Variants in NRCAM observed in about 807,000 individuals in gnomAD.
The protein encoded by NRCAM is neuronal cell adhesion molecule.
In NRCAM, 83 loss-of-function variants were observed where a neutral mutation model predicts 156.5. The observed-to-expected ratio is 0.53, with a 90% CI of 0.44 to 0.64. The LOEUF is 0.64. NRCAM is among the 30% of genes least tolerant of loss of function. The pLI is 0.00. For missense variants in NRCAM, 1,417 were observed against 1,597.3 expected (o/e 0.89, Z 1.92); for synonymous variants, 538 against 563.9 (o/e 0.95, Z 0.65).
At chr7:108,286,834 ATG>A (rs1173172325) in intron 3 of NRCAM, among the ~76,000 whole-genome samples, 1 of 152,178 alleles carries the variant, frequency 6.6e-6, no homozygotes, top group Non-Finnish European at 1.5e-5. Context: ...TATTTTTATT[ATG>A]TTTAGGCACA....
At chr7:108,337,053 C>T (rs971568706) in intron 2 of NRCAM, among the ~76,000 whole-genome samples, 1 of 152,058 alleles carries the variant, frequency 6.6e-6, no homozygotes, top group African/African-American at 2.4e-5. Context: ...TCGCTTGAGG[C>T]CAGGAATTCA....
At chr7:108,392,962 G>A (rs2099765454) in intron 2 of NRCAM, among the ~76,000 whole-genome samples, 1 of 152,172 alleles carries the variant, frequency 6.6e-6, no homozygotes, top group Non-Finnish European at 1.5e-5. Flanking sequence ...CGTGTGGGGT[G>A]TCAGTCTGCC....
chr7:108,245,528 A>G (rs2095848958), intron 3 of NRCAM, among the ~76,000 whole-genome samples: 1 of 152,170 alleles, frequency 6.6e-6, no homozygotes, highest in South Asian at 2.1e-4. Context: ...TTAAAAAGTT[A>G]ATTTTAAAAG....
At chr7:108,167,388 T>C (rs1299665830) in intron 29 of NRCAM, among the ~76,000 whole-genome samples, 2 of 152,320 alleles carry the variant, frequency 1.3e-5, no homozygotes, top group East Asian at 3.9e-4. Flanking sequence ...ACTGTTGAGT[T>C]TCTCTAAAGA....
At chr7:108,216,121 C>T (rs1476532802) in intron 11 of NRCAM, among the ~76,000 whole-genome samples, 3 of 152,144 alleles carry the variant, frequency 2.0e-5, no homozygotes, top group Non-Finnish European at 4.4e-5. Flanking sequence ...GACAAAACCC[C>T]TCAGGATTTG....
chr7:108,336,254 C>G (rs1433742656), intron 2 of NRCAM, among the ~76,000 whole-genome samples: 1 of 152,158 alleles, frequency 6.6e-6, no homozygotes, highest in African/African-American at 2.4e-5. Flanking sequence ...TCCCGGCTGT[C>G]TAATCCAATT....
intron 20 of NRCAM, among the ~76,000 whole-genome samples, chr7:108,189,222 G>C (rs560551184): frequency 6.6e-6 from 1 of 152,224 alleles, no homozygotes; most frequent in East Asian, 1.9e-4. Context: ...TACCAACAGG[G>C]GGTTGAAAAG....
At chr7:108,189,117 T>C (rs982506811) in intron 20 of NRCAM, among the ~76,000 whole-genome samples, 1 of 152,170 alleles carries the variant, frequency 6.6e-6, no homozygotes, top group Non-Finnish European at 1.5e-5. Context: ...GAAGCTCACA[T>C]TGTTGAATGG....
At chr7:108,434,799 G>A (rs1256742097) in intron 1 of NRCAM, among the ~76,000 whole-genome samples, 1 of 152,048 alleles carries the variant, frequency 6.6e-6, no homozygotes, top group East Asian at 1.9e-4. Context: ...TTTTTTTTAA[G>A]TAAAAAAAGA....
intron 2 of NRCAM, among the ~76,000 whole-genome samples, chr7:108,327,926 T>C (rs2099087219): frequency 6.6e-6 from 1 of 151,982 alleles, no homozygotes; most frequent in Non-Finnish European, 1.5e-5. Flanking sequence ...ATGCAGAAAA[T>C]AAGGGAGAAT....
At chr7:108,176,138 C>T (rs1007040592) in intron 27 of NRCAM, among the ~76,000 whole-genome samples, 9 of 151,916 alleles carry the variant, frequency 5.9e-5, no homozygotes, top group African/African-American at 1.2e-4. Flanking sequence ...AAGTTGTAAA[C>T]AGGAAACAAC....
At chr7:108,450,978 G>T (rs1222915296) in intron 1 of NRCAM, among the ~76,000 whole-genome samples, 1 of 152,178 alleles carries the variant, frequency 6.6e-6, no homozygotes, top group Non-Finnish European at 1.5e-5. Context: ...CAGCACTTTG[G>T]GAGGCCAAGG....
intron 3 of NRCAM, among the ~76,000 whole-genome samples, chr7:108,259,063 G>T (rs1194362831): frequency 1.3e-5 from 2 of 152,226 alleles, no homozygotes; most frequent in African/African-American, 2.4e-5. Flanking sequence ...GGGCTGGCTA[G>T]TGGCTACTGT....
rs772720227 is a variant in NRCAM at position 108,243,610 on chromosome 7, T to TA, written c.-106-3441dup. Among the ~76,000 whole-genome samples the TA allele has an allele frequency of 3.0e-4, 46 of 152,352 alleles. 1 individual carries two copies. Among genetic ancestry groups the TA allele is most frequent in the Admixed American group, 2.5e-3 (38 of 15,306 alleles). ...TTTTAATCAAGGCTAAGGAGTATGT[T>TA]AGTGCAATATAGCTTACAATGTACA... On this transcript the variant is annotated intron_variant, in intron 3 of 32. Coordinates refer to ENST00000379028, the MANE Select transcript of NRCAM (RefSeq NM_001037132.4).
intron 3 of NRCAM, among the ~76,000 whole-genome samples, chr7:108,284,192 T>C (rs186095456): frequency 6.6e-6 from 1 of 152,298 alleles, no homozygotes; most frequent in East Asian, 1.9e-4. Context: ...TTTGTCTTTG[T>C]TGTTCCTACT....
At chr7:108,445,706 T>C (rs1843438695) in intron 1 of NRCAM, among the ~76,000 whole-genome samples, 1 of 152,146 alleles carries the variant, frequency 6.6e-6, no homozygotes, top group African/African-American at 2.4e-5. Context: ...TGTATGAGCT[T>C]TCTTAATCTA....
At chr7:108,392,240 T>C (rs1224122065) in intron 2 of NRCAM, among the ~76,000 whole-genome samples, 2 of 152,230 alleles carry the variant, frequency 1.3e-5, no homozygotes, top group Non-Finnish European at 2.9e-5. Flanking sequence ...TCTATTCACA[T>C]AGTCCCATAT....
At chr7:108,306,294 T>C (rs1038568582) in intron 3 of NRCAM, among the ~76,000 whole-genome samples, 3 of 152,220 alleles carry the variant, frequency 2.0e-5, no homozygotes, top group Admixed American at 1.3e-4. Context: ...CTTCATACGA[T>C]AATTTTTTAT....
intron 11 of NRCAM, among the ~76,000 whole-genome samples, chr7:108,211,055 C>T (rs2084004045): frequency 6.6e-6 from 1 of 152,226 alleles, no homozygotes; most frequent in Non-Finnish European, 1.5e-5. Context: ...CTCACAGACT[C>T]TCTGAAGGAA....
Sources: allele counts gnomAD v4.1 joint callset (sites outside exome capture counted in the v4.1 genomes callset), GRCh38; gene constraint gnomAD v4.1.1; transcripts MANE v1.5; gene names NCBI Gene and HGNC (gene_info 2026-07-23, HGNC 2026-07-21).